Variants in UQCRC1 observed in about 807,000 individuals in gnomAD.
UQCRC1 encodes the protein ubiquinol-cytochrome c reductase core protein 1.
Under a neutral mutation model 58.0 loss-of-function variants are expected in UQCRC1, and 34 were observed. The ratio of observed to expected loss-of-function variants is 0.59; its 90% CI spans 0.45 to 0.78. UQCRC1 has a LOEUF of 0.78. Ranked by LOEUF, UQCRC1 falls within the 30% of genes least tolerant of loss-of-function variation. The probability of loss-of-function intolerance (pLI) is 0.00; values close to 1 mark genes in which losing one functional copy is unlikely to be tolerated. For missense variants in UQCRC1, 610 were observed against 646.0 expected, an observed-to-expected ratio of 0.94 and a Z score of 0.60; for synonymous variants, 276 against 248.8, an observed-to-expected ratio of 1.11 and a Z score of -1.03.
rs781542889 is a variant in UQCRC1, at chr3:48,609,525, A to G, written c.69+27T>C. 25 of 1,551,766 alleles carry G rather than the reference A, an allele frequency of 1.6e-5. No individual in the cohort carries two copies. The African/African-American group carries it at 3.2e-4, about 20-fold the overall frequency. On this transcript the variant is annotated intron_variant, in intron 1 of 12. Transcript: ENST00000203407. ...TCCGCTTCCCGAAGCCCTGTCCCGA[A>G]GCCCCGCGCTCTCGCCACCACCTCA...
chr3:48,605,500 A>G (rs2046403344), intron 3 of UQCRC1, among the ~76,000 whole-genome samples: 1 of 152,178 alleles, frequency 6.6e-6, no homozygotes, highest in Non-Finnish European at 1.5e-5. Flanking sequence ...GTGCATATCT[A>G]CGTGTGTTCC....
chr3:48,600,201 C>A (rs749308153), intron 10 of UQCRC1, 50 bp from the exon 11 acceptor site: 12 of 1,591,480 alleles, frequency 7.5e-6, no homozygotes, highest in African/African-American at 1.3e-5. Flanking sequence ...AATCCTGGAC[C>A]CACAGGTACA....
At chr3:48,608,326 T>C (rs1013902107) in intron 2 of UQCRC1, among the ~76,000 whole-genome samples, 1 of 152,234 alleles carries the variant, frequency 6.6e-6, no homozygotes, top group Non-Finnish European at 1.5e-5. Context: ...TCTAACATCT[T>C]GGAATGCAAG....
At chr3:48,600,877 G>A (rs758630275) in intron 8 of UQCRC1, 37 bp from the exon 9 acceptor site, 1 of 1,613,148 alleles carries the variant, frequency 6.2e-7, no homozygotes, top group South Asian at 1.1e-5. Context: ...CCACCCTCTT[G>A]TCTTCAACGC....
intron 3 of UQCRC1, among the ~76,000 whole-genome samples, chr3:48,605,435 G>A (rs2046402838): frequency 6.6e-6 from 1 of 152,206 alleles, no homozygotes; most frequent in South Asian, 2.1e-4. Flanking sequence ...CACCAGAGAA[G>A]AACATTTCAT....
chr3:48,606,840 G>C (rs1238957816), intron 2 of UQCRC1, among the ~76,000 whole-genome samples: 1 of 150,424 alleles, frequency 6.6e-6, no homozygotes, highest in Non-Finnish European at 1.5e-5. Context: ...GCTGATTTAA[G>C]TTTTTCACAT....
intron 1 of UQCRC1, 41 bp downstream of exon 1, chr3:48,609,511 A>G (rs1182652865): frequency 3.1e-5 from 48 of 1,542,708 alleles, no homozygotes; most frequent in Non-Finnish European, 4.1e-5. Context: ...CCGCTTCCCG[A>G]AGCCCTGTCC....
intron 11 of UQCRC1, 138 bp from the exon 12 acceptor site, chr3:48,599,848 G>A (rs946508180): frequency 9.3e-7 from 1 of 1,071,930 alleles, no homozygotes; most frequent in South Asian, 1.4e-5. Flanking sequence ...AGGCAGAAGG[G>A]ATCCCTGCTA....
At chr3:48,600,459 C>T (rs1269016374) in intron 10 of UQCRC1, 23 bp downstream of exon 10, 1 of 1,613,752 alleles carries the variant, frequency 6.2e-7, no homozygotes, top group South Asian at 1.1e-5. Flanking sequence ...CTCTACCCCT[C>T]CCCGCTGAGC....
At chr3:48,604,572 C>G (rs1254901003) in intron 4 of UQCRC1, 79 bp downstream of exon 4, 3 of 1,602,752 alleles carry the variant, frequency 1.9e-6, no homozygotes, top group Non-Finnish European at 2.6e-6. Context: ...TAATATGATT[C>G]TGTGGTCAGC....
At chr3:48,606,485 A>G (rs959258037) in intron 2 of UQCRC1, among the ~76,000 whole-genome samples, 3 of 152,220 alleles carry the variant, frequency 2.0e-5, no homozygotes, top group African/African-American at 7.2e-5. Flanking sequence ...GCGGTGGCTT[A>G]TACCTGTAAT....
intron 1 of UQCRC1, 39 bp downstream of exon 1, chr3:48,609,513 G>C: frequency 1.3e-6 from 2 of 1,543,764 alleles, no homozygotes; most frequent in South Asian, 2.4e-5. Context: ...GCTTCCCGAA[G>C]CCCTGTCCCG....
chr3:48,599,531 G>A (rs2046342298), intron 12 of UQCRC1, 104 bp downstream of exon 12: 1 of 1,311,386 alleles, frequency 7.6e-7, no homozygotes. Context: ...GCCTTAACTG[G>A]CTGCTCTGTA....
Position 48,599,140 on chromosome 3 carries a change from C to T in UQCRC1, c.1431G>A (p.Trp477Ter). ...DYNRIRSGMF[W>*]LRF ...ATAGGCTTCCCGCCTAGAAGCGCAG[C>T]CAGAACATGCCGCTACGGATCCGGT... Residue 477 changes from tryptophan (W) to a stop codon, truncating the protein, a stop_gained, in exon 13 of 13, where the codon TGG (tryptophan) becomes TGA (stop). Transcript: ENST00000203407. LOFTEE classifies it high-confidence loss of function. 2.5e-6 allele frequency: 4 copies of T among 1,612,080 alleles called. No homozygotes were observed. In the South Asian group the frequency reaches 4.4e-5, roughly 18 times the overall value.
intron 5 of UQCRC1, 21 bp from the exon 6 acceptor site, chr3:48,603,664 G>GT (rs1376075220): frequency 1.2e-6 from 2 of 1,610,194 alleles, no homozygotes; most frequent in Middle Eastern, 1.7e-4. Flanking sequence ...TATGGTCAGT[G>GT]TGTCAACACC....
At chr3:48,602,852 T>C (rs2046379018) in intron 6 of UQCRC1, among the ~76,000 whole-genome samples, 1 of 152,042 alleles carries the variant, frequency 6.6e-6, no homozygotes, top group Non-Finnish European at 1.5e-5. Flanking sequence ...CCTCAGTTCC[T>C]TACCCATGTC....
At chr3:48,609,528 C>A in intron 1 of UQCRC1, 24 bp downstream of exon 1, 1 of 1,553,858 alleles carries the variant, frequency 6.4e-7, no homozygotes, top group Non-Finnish European at 8.6e-7. Flanking sequence ...GTCCCGAAGC[C>A]CCGCGCTCTC....
At chr3:48,604,183 C>T in intron 5 of UQCRC1, 50 bp downstream of exon 5, 5 of 1,599,336 alleles carry the variant, frequency 3.1e-6, no homozygotes, top group Non-Finnish European at 4.3e-6. Context: ...AAGGGTCTGG[C>T]CAGGCCAGAA....
rs2046353850 is a variant in UQCRC1, at chr3:48,600,489, A to T, written c.1206T>A (p.His402Gln). The change falls in exon 10 of 13, where the codon CAT (histidine) becomes CAA (glutamine). Residue 402 changes from histidine to glutamine, a missense_variant. By Grantham distance (24) the His-to-Gln change is conservative. Coordinates refer to ENST00000203407, the MANE Select transcript of UQCRC1 (RefSeq NM_003365.3). Reference protein sequence around the residue: ...KNILRNALVSHLDGTTPVCED... With the variant: ...KNILRNALVSQLDGTTPVCED... ...CTGAGCTGTAGGACTCACCATCTAGATGAGATACCAGGGCATTTCTGAGGA... is the reference window on the plus strand; with the variant it reads ...CTGAGCTGTAGGACTCACCATCTAGTTGAGATACCAGGGCATTTCTGAGGA... The T allele has an allele frequency of 6.2e-7, 1 of 1,614,100 alleles. No individual in the cohort carries two copies.
Sources: gnomAD v4.1 joint callset for allele counts (sites outside exome capture counted in the v4.1 genomes callset) on GRCh38, gnomAD v4.1.1 for gene constraint, MANE v1.5 for transcripts, NCBI Gene and HGNC (gene_info 2026-07-23, HGNC 2026-07-21) for gene names.